Variants in CSMD1 observed in about 807,000 individuals in gnomAD.
CSMD1 encodes CUB and Sushi multiple domains 1, also known as CUB and sushi domain-containing protein 1.
Under a neutral mutation model 417.5 loss-of-function variants are expected in CSMD1, and 213 were observed. The ratio of observed to expected loss-of-function variants is 0.51; its 90% CI spans 0.46 to 0.57. The LOEUF (loss-of-function observed/expected upper bound fraction) is 0.57, where lower values mean the gene tolerates loss of function less well. Among genes scored for constraint, CSMD1 ranks in the 20% least tolerant of loss-of-function variants. The pLI is 0.00. For missense variants in CSMD1, 6,923 were observed against 4,529.7 expected (o/e 1.53, Z -15.17); for synonymous variants, 2,862 against 1,736.8 (o/e 1.65, Z -16.11).
chr8:4,471,173 A>G (rs1294463097), intron 2 of CSMD1, among the ~76,000 whole-genome samples: 2 of 152,306 alleles, frequency 1.3e-5, no homozygotes, highest in African/African-American at 4.8e-5. Flanking sequence ...GCCTTACTGG[A>G]TTTAATTCCA....
chr8:4,180,392 A>C (rs988197805), intron 3 of CSMD1, among the ~76,000 whole-genome samples: 1 of 139,222 alleles, frequency 7.2e-6, no homozygotes, highest in African/African-American at 2.7e-5. Flanking sequence ...ACACATGGAC[A>C]CAGGAAGGGG....
intron 1 of CSMD1, among the ~76,000 whole-genome samples, chr8:4,835,429 A>G (rs1800421617): frequency 6.6e-6 from 1 of 152,184 alleles, no homozygotes; most frequent in African/African-American, 2.4e-5. Flanking sequence ...AAGAGACAAG[A>G]GGTAGAACTA....
intron 5 of CSMD1, among the ~76,000 whole-genome samples, chr8:3,866,372 G>C (rs891097268): frequency 9.9e-5 from 15 of 152,182 alleles, no homozygotes; most frequent in African/African-American, 3.1e-4. Flanking sequence ...GAACATTCAT[G>C]TATTTCATTT....
At chr8:3,968,938 C>A (rs1004647037) in intron 5 of CSMD1, among the ~76,000 whole-genome samples, 5 of 152,064 alleles carry the variant, frequency 3.3e-5, no homozygotes, top group African/African-American at 1.2e-4. Context: ...GCATTGAAAC[C>A]GACTACTCTT....
intron 49 of CSMD1, among the ~76,000 whole-genome samples, chr8:3,067,293 C>A (rs1341494418): frequency 6.6e-6 from 1 of 152,128 alleles, no homozygotes; most frequent in Non-Finnish European, 1.5e-5. Context: ...TTACCAGACG[C>A]TCTCACTTCC....
At chr8:4,962,415 C>T (rs567028038) in intron 1 of CSMD1, among the ~76,000 whole-genome samples, 9 of 152,126 alleles carry the variant, frequency 5.9e-5, no homozygotes, top group South Asian at 4.1e-4. Flanking sequence ...CTTTCTATGT[C>T]GCCAAAGCTG....
At chr8:4,513,647 G>T (rs1112779) in intron 2 of CSMD1, among the ~76,000 whole-genome samples, 65,274 of 152,106 alleles carry the variant, frequency 0.43, 14,668 homozygotes, top group Admixed American at 0.54. Context: ...GTTAAAGGAA[G>T]AGTTCTTTGC....
chr8:4,776,601 G>A (rs1796866132), intron 1 of CSMD1, among the ~76,000 whole-genome samples: 1 of 152,140 alleles, frequency 6.6e-6, no homozygotes, highest in African/African-American at 2.4e-5. Context: ...CGCGTTCAAT[G>A]ATACCTCCAG....
chr8:3,462,132 C>T (rs987343332), intron 12 of CSMD1, among the ~76,000 whole-genome samples: 1 of 151,788 alleles, frequency 6.6e-6, no homozygotes, highest in East Asian at 1.9e-4. Flanking sequence ...GCCCCCCCCC[C>T]CACCTCCCAG....
intron 3 of CSMD1, among the ~76,000 whole-genome samples, chr8:4,165,606 T>C (rs1178808233): frequency 6.6e-6 from 1 of 152,186 alleles, no homozygotes; most frequent in African/African-American, 2.4e-5. Flanking sequence ...TCTCACTATG[T>C]TGCCCAGGCT....
intron 7 of CSMD1, among the ~76,000 whole-genome samples, chr8:3,681,889 C>T (rs138564103): frequency 0.14 from 21,667 of 152,022 alleles, 1,722 homozygotes; most frequent in South Asian, 0.21. Flanking sequence ...TAATACCACA[C>T]ATCTACGACT....
At chr8:4,173,103 C>A (rs1358268597) in intron 3 of CSMD1, among the ~76,000 whole-genome samples, 1 of 152,010 alleles carries the variant, frequency 6.6e-6, no homozygotes, top group Non-Finnish European at 1.5e-5. Context: ...GTTGTATGAA[C>A]CACACGGAGG....
intron 1 of CSMD1, among the ~76,000 whole-genome samples, chr8:4,812,588 C>A (rs893466149): frequency 3.3e-5 from 5 of 151,376 alleles, no homozygotes; most frequent in Non-Finnish European, 5.9e-5. Context: ...TAAAGTCAAT[C>A]CAAGCAAGCT....
chr8:4,022,192 A>ATG (rs1796823881), intron 4 of CSMD1, among the ~76,000 whole-genome samples: 1 of 148,296 alleles, frequency 6.7e-6, no homozygotes, highest in African/African-American at 2.5e-5. Context: ...GTGTATATAT[A>ATG]TATATATAAC....
rs982495386 is a variant in CSMD1, at chr8:4,898,204, G to A, written c.85+96128C>T. On this transcript the variant is annotated intron_variant, in intron 1 of 69. Coordinates refer to ENST00000635120, the MANE Select transcript of CSMD1 (RefSeq NM_033225.6). ...AGCGTGCATTGCTATATTGCAAATGGAATGATTAAAACGCACACATGAACG... is the reference window on the plus strand; with the variant it reads ...AGCGTGCATTGCTATATTGCAAATGAAATGATTAAAACGCACACATGAACG... Among the ~76,000 whole-genome samples the A allele has an allele frequency of 3.3e-5, 5 of 152,276 alleles. No homozygotes were observed. The South Asian group carries it at 6.2e-4, about 19-fold the overall frequency.
At chr8:4,220,249 T>A (rs1309856627) in intron 3 of CSMD1, among the ~76,000 whole-genome samples, 1 of 152,194 alleles carries the variant, frequency 6.6e-6, no homozygotes, top group South Asian at 2.1e-4. Context: ...CCATGCCCAG[T>A]CTCAAGATAA....
intron 3 of CSMD1, among the ~76,000 whole-genome samples, chr8:4,110,951 G>A (rs745776673): frequency 2.6e-5 from 4 of 152,082 alleles, no homozygotes; most frequent in Non-Finnish European, 5.9e-5. Context: ...CAATTAATAA[G>A]TATTACAGTT....
intron 3 of CSMD1, among the ~76,000 whole-genome samples, chr8:4,129,484 T>C (rs1802966650): frequency 6.6e-6 from 1 of 152,192 alleles, no homozygotes; most frequent in South Asian, 2.1e-4. Context: ...TTTTGTATTG[T>C]GAAAAAGTCT....
intron 5 of CSMD1, among the ~76,000 whole-genome samples, chr8:3,824,306 C>T (rs1585050321): frequency 6.6e-6 from 1 of 151,702 alleles, no homozygotes; most frequent in East Asian, 1.9e-4. Context: ...CAAACGGGCA[C>T]AACAGCCTAG....
Sources: allele counts gnomAD v4.1 joint callset (sites outside exome capture counted in the v4.1 genomes callset), GRCh38; gene constraint gnomAD v4.1.1; transcripts MANE v1.5; gene names NCBI Gene and HGNC (gene_info 2026-07-23, HGNC 2026-07-21).